Variants in PGF observed in about 807,000 individuals in gnomAD.
The protein encoded by PGF is placenta growth factor.
Under a neutral mutation model 25.3 loss-of-function variants are expected in PGF, and 11 were observed. The ratio of observed to expected loss-of-function variants is 0.43; its 90% CI spans 0.27 to 0.72. The LOEUF is 0.72. Ranked by LOEUF, PGF falls within the 30% of genes least tolerant of loss-of-function variation. The probability of loss-of-function intolerance (pLI) is 0.18; values close to 1 mark genes in which losing one functional copy is unlikely to be tolerated. For synonymous variants in PGF, 105 were observed against 97.9 expected, an observed-to-expected ratio of 1.07 and a Z score of -0.43; for missense variants, 230 against 234.9, an observed-to-expected ratio of 0.98 and a Z score of 0.14.
At chr14:74,943,820 C>A (rs2359192) in intron 6 of PGF, among the ~76,000 whole-genome samples, 102,807 of 152,064 alleles carry the variant, frequency 0.68, 37,657 homozygotes, top group East Asian at 0.85. Flanking sequence ...AATGGTGCTA[C>A]TAAGAATTAT....
At chr14:74,952,107 A>G (rs143498141) in intron 2 of PGF, among the ~76,000 whole-genome samples, 190 of 152,174 alleles carry the variant, frequency 1.2e-3, no homozygotes, top group Middle Eastern at 3.4e-3. Flanking sequence ...CTGAGGCTGC[A>G]AGTGTGCCCT....
intron 3 of PGF, 76 bp from the exon 4 acceptor site, chr14:74,948,659 AAGG>A: frequency 1.1e-6 from 1 of 912,770 alleles, no homozygotes; most frequent in Non-Finnish European, 1.7e-6. Flanking sequence ...CTCTCCTTGT[AAGG>A]AGAACCCGAC....
rs1888843495 is a variant in PGF at position 74,950,259 on chromosome 14, C to T, written c.119-706G>A. Among the ~76,000 whole-genome samples the T allele has an allele frequency of 6.6e-6, 1 of 152,230 alleles. No individual in the cohort carries two copies. The highest frequency in any genetic ancestry group is 2.4e-5 in the African/African-American group (1 of 41,462). On this transcript the variant is annotated intron_variant, in intron 2 of 6. Coordinates refer to ENST00000555567, the MANE Select transcript of PGF (RefSeq NM_002632.6). The surrounding 1 kb of genome is among the most constrained non-coding windows in gnomAD (Gnocchi z 4.1). Reference sequence around the variant, plus strand: ...TCCCCACCTCCTCTTTGAAGACTTCCCCAGCAATTCCAGTGCACACAGATG... The same window carrying T: ...TCCCCACCTCCTCTTTGAAGACTTCTCCAGCAATTCCAGTGCACACAGATG...
At position 74,942,488 on chromosome 14, in the gene PGF, G is replaced by T. The variant is rs1294889101; in HGVS notation, c.*218C>A. The T allele has an allele frequency of 3.4e-6, 2 of 581,300 alleles. No individual in the cohort carries two copies. The highest frequency in any genetic ancestry group is 6.1e-6 in the Non-Finnish European group (2 of 329,760). The allele number at this position is 581,300 out of a possible 1,614,324, so 36.0% of individuals were successfully genotyped here. A position where few individuals can be genotyped will look rare whatever the true frequency, so the allele number is the denominator to read the frequency against. On this transcript the variant is annotated 3_prime_UTR_variant, in exon 7 of 7. Transcript: ENST00000555567. ...TCTTTCAAAGCGGAAGCTCCCAGGG[G>T]TCTGTGGCTGGCTTCTCTCTTTCTC... is the stretch of plus-strand genomic sequence containing the variant.
Position 74,953,184 on chromosome 14 carries a change from C to T in PGF, c.118+720G>A, listed in dbSNP as rs952735177. 2.0e-5 allele frequency among the ~76,000 whole-genome samples: 3 copies of T among 152,222 alleles called. No individual in the cohort carries two copies. Among genetic ancestry groups the T allele is most frequent in the Non-Finnish European group, 4.4e-5 (3 of 68,042 alleles). On this transcript the variant is annotated intron_variant, in intron 2 of 6. Coordinates refer to ENST00000555567, the MANE Select transcript of PGF (RefSeq NM_002632.6). This position sits in a 1 kb window ranked among gnomAD's most constrained non-coding sequence, Gnocchi z 5.4. ...TCCCAGCACGCAGATGGCTATCACG[C>T]GTGTGCGTGTGCATGTCCCTACATG...
At chr14:74,952,274 A>AG (rs1888889571) in intron 2 of PGF, among the ~76,000 whole-genome samples, 1 of 152,252 alleles carries the variant, frequency 6.6e-6, no homozygotes, top group Non-Finnish European at 1.5e-5. Context: ...ACTGGCCACC[A>AG]GCCCAAGCCC....
At chr14:74,943,444 G>A (rs1888649013) in intron 6 of PGF, among the ~76,000 whole-genome samples, 1 of 152,202 alleles carries the variant, frequency 6.6e-6, no homozygotes, top group Non-Finnish European at 1.5e-5. Flanking sequence ...CTGAAGAACA[G>A]CTTAACCAAA....
chr14:74,955,594 T>G lies in PGF; in HGVS notation c.-352A>C. On this transcript the variant is annotated 5_prime_UTR_variant, in exon 1 of 7. Coordinates refer to ENST00000555567, the MANE Select transcript of PGF (RefSeq NM_002632.6). The surrounding 1 kb of genome is among the most constrained non-coding windows in gnomAD (Gnocchi z 4.1). ...GTTTCCTCCGCAGACAGCAGCTCCC[T>G]TCTGAGACTGCAGCCGGTCCGCGCC... 1 of 220,072 alleles carries G rather than the reference T, an allele frequency of 4.5e-6. No individual in the cohort carries two copies. The highest frequency in any genetic ancestry group is 2.3e-5 in the African/African-American group (1 of 43,962). The allele number at this position is 220,072 out of a possible 1,614,324, so 13.6% of individuals were successfully genotyped here. A position where few individuals can be genotyped will look rare whatever the true frequency, so the allele number is the denominator to read the frequency against.
At chr14:74,944,398 G>A (rs1010992452) in intron 6 of PGF, among the ~76,000 whole-genome samples, 4 of 151,898 alleles carry the variant, frequency 2.6e-5, no homozygotes, top group Non-Finnish European at 5.9e-5. Flanking sequence ...CACCGCGCCT[G>A]GCCTGCTTGT....
rs1888970153 is a variant in PGF, at chr14:74,955,490, G to A, written c.-248C>T. On this transcript the variant is annotated 5_prime_UTR_variant, in exon 1 of 7. Transcript: ENST00000555567. This position sits in a 1 kb window ranked among gnomAD's most constrained non-coding sequence, Gnocchi z 4.1. ...GGCGGGGCGGGGCGCCGAGGGGCAG[G>A]CGGGTCCCGGGGATGGTCCGTCGGG... 1 of 381,736 alleles carries A rather than the reference G, an allele frequency of 2.6e-6. No individual in the cohort carries two copies. The highest frequency in any genetic ancestry group is 4.6e-6 in the Non-Finnish European group (1 of 215,082). 23.6% of individuals were successfully genotyped at this position (381,736 alleles called of 1,614,324 possible).
chr14:74,954,088 C>A (rs1459509712), intron 1 of PGF, 142 bp from the exon 2 acceptor site: 5 of 728,926 alleles, frequency 6.9e-6, no homozygotes, highest in Non-Finnish European at 1.2e-5. Flanking sequence ...TCAGAGCAGC[C>A]TGAGTACCAC....
At chr14:74,954,497 GGCAGTGGGACAAC>G (rs775288794) in intron 1 of PGF, among the ~76,000 whole-genome samples, 29 of 152,262 alleles carry the variant, frequency 1.9e-4, no homozygotes, top group Middle Eastern at 3.4e-3. Context: ...GGACTCCCAG[GGCAGTGGGACAAC>G]GCAGTGGGAA....
rs1476349123 is a variant in PGF at position 74,950,064 on chromosome 14, C to T, written c.119-511G>A. 1.3e-5 allele frequency among the ~76,000 whole-genome samples: 2 copies of T among 152,176 alleles called. No individual in the cohort carries two copies. Among genetic ancestry groups the T allele is most frequent in the African/African-American group, 4.8e-5 (2 of 41,440 alleles). On this transcript the variant is annotated intron_variant, in intron 2 of 6. Coordinates refer to ENST00000555567, the MANE Select transcript of PGF (RefSeq NM_002632.6). The surrounding 1 kb of genome is among the most constrained non-coding windows in gnomAD (Gnocchi z 4.1). The stretch of plus-strand genomic sequence containing the variant: ...ACCAAGACCACATCCAGCAATGTGG[C>T]CCGACCCTCCTCTCCACTGAGTCCA...
chr14:74,953,986 T>C lies in PGF; in HGVS notation c.76-40A>G, dbSNP rs1476396695. The C allele has an allele frequency of 3.1e-6, 5 of 1,606,798 alleles. No homozygotes were observed. The highest frequency in any genetic ancestry group is 1.7e-5 in the Admixed American group (1 of 59,966). The stretch of plus-strand genomic sequence containing the variant: ...GTGCAGAGGTGAGCTGGGGGTACCT[T>C]GGAGCTCTGCACTCTTGGGCCAAGT... On this transcript the variant is annotated intron_variant, in intron 1 of 6. Coordinates refer to ENST00000555567, the MANE Select transcript of PGF (RefSeq NM_002632.6). This position sits in a 1 kb window ranked among gnomAD's most constrained non-coding sequence, Gnocchi z 5.4.
rs188792858 is a variant in PGF, at chr14:74,951,984, C to T, written c.118+1920G>A. The stretch of plus-strand genomic sequence containing the variant: ...GCTCAGCTGTCCCCGAGAGCACTTC[C>T]GCTGGCCCCAGACCTGCTCCGGGAG... On this transcript the variant is annotated intron_variant, in intron 2 of 6. Coordinates refer to ENST00000555567, the MANE Select transcript of PGF (RefSeq NM_002632.6). Among the ~76,000 whole-genome samples the T allele has an allele frequency of 4.3e-3, 661 of 152,278 alleles. 2 individuals carry two copies. Among genetic ancestry groups the T allele is most frequent in the Non-Finnish European group, 6.2e-3 (420 of 68,018 alleles).
intron 6 of PGF, among the ~76,000 whole-genome samples, chr14:74,943,116 T>C (rs1888642043): frequency 6.6e-6 from 1 of 152,144 alleles, no homozygotes; most frequent in Non-Finnish European, 1.5e-5. Context: ...CAATCATGCC[T>C]CTGATTACCC....
chr14:74,946,214 G>A lies in PGF; in HGVS notation c.484C>T (p.Leu162=). 6.2e-7 allele frequency: 1 copy of A among 1,613,844 alleles called. No homozygotes were observed. The highest frequency in any genetic ancestry group is 8.5e-7 in the Non-Finnish European group (1 of 1,179,806). ...REKQRPTDCH[L]CGDAVPRR Reference sequence around the variant, plus strand: ...ATCCCTGGGACCCCGCACACTCACAGGTGGCAGTCTGTGGGTCTCTGCTTC... The same window carrying A: ...ATCCCTGGGACCCCGCACACTCACAAGTGGCAGTCTGTGGGTCTCTGCTTC... Residue 162 remains leucine (L), a splice_region_variant and synonymous_variant, in exon 6 of 7, where the codon CTG becomes TTG. Transcript: ENST00000555567.
chr14:74,947,537 A>C (rs1463275147), intron 4 of PGF: 5 of 152,228 alleles, frequency 3.3e-5, no homozygotes, highest in Non-Finnish European at 5.9e-5. Context: ...AGCTGTGATA[A>C]ATCATGAAAC....
At chr14:74,949,332 C>A in intron 3 of PGF, 25 bp downstream of exon 3, 1 of 1,465,364 alleles carries the variant, frequency 6.8e-7, no homozygotes. Flanking sequence ...GATTCGGTGG[C>A]CCCCTGGGCA....
Sources: gnomAD v4.1 joint callset for allele counts (sites outside exome capture counted in the v4.1 genomes callset) on GRCh38, gnomAD v4.1.1 for gene constraint, Gnocchi (gnomAD v3.1) non-coding constraint, MANE v1.5 for transcripts, NCBI Gene and HGNC (gene_info 2026-07-23, HGNC 2026-07-21) for gene names.